STRC: variants seen among roughly 807,000 people sequenced by gnomAD.
STRC encodes the protein stereocilin.
STRC carries 43 observed loss-of-function variants against 103.5 expected under a neutral mutation model. The ratio of observed to expected loss-of-function variants is 0.42; its 90% CI spans 0.33 to 0.54. STRC has a LOEUF of 0.54. Among genes scored for constraint, STRC ranks in the 20% least tolerant of loss-of-function variants. The pLI, the probability that STRC is intolerant of heterozygous loss-of-function variation, is 0.14. For synonymous variants in STRC, 186 were observed against 442.3 expected (o/e 0.42, Z 7.27); for missense variants, 499 against 1,088.5 (o/e 0.46, Z 7.62).
intron 26 of STRC, 38 bp downstream of exon 26, chr15:43,600,496 C>T: frequency 1.9e-6 from 3 of 1,609,806 alleles, no homozygotes; most frequent in Non-Finnish European, 2.5e-6. Context: ...GGTATAGAAA[C>T]CAAACCAACT....
At chr15:43,600,707 A>G (rs745860856) in intron 25 of STRC, 25 bp from the exon 26 acceptor site, 8 of 1,612,922 alleles carry the variant, frequency 5.0e-6, no homozygotes, top group Non-Finnish European at 6.8e-6. Context: ...GAAGGAAGGA[A>G]GAAGAATTCG....
rs955920743 is a variant in STRC at position 43,601,825 on chromosome 15, A to G, written c.4546-274T>C. ...CATCAGACACAGAGACGCTTATTAA[A>G]ACAGATGCCTAGGGCCCAGCACAGT... On this transcript the variant is annotated intron_variant, in intron 23 of 28. Coordinates refer to ENST00000450892, the MANE Select transcript of STRC (RefSeq NM_153700.2). The G allele has an allele frequency of 2.3e-4, 103 of 452,786 alleles. 1 individual carries two copies. The highest frequency in any genetic ancestry group is 1.3e-3 in the Middle Eastern group (2 of 1,564). The allele number at this position is 452,786 out of a possible 1,614,324, so 28.0% of individuals were successfully genotyped here.
Position 43,601,503 on chromosome 15 carries a change from C to T in STRC, c.4594G>A (p.Gly1532Ser), listed in dbSNP as rs746546719. The T allele has an allele frequency of 6.2e-7, 1 of 1,613,810 alleles. No homozygotes were observed. Among genetic ancestry groups the T allele is most frequent in the South Asian group, 1.1e-5 (1 of 91,068 alleles). ...TCTCCTAGACCTATTAAGAGCCTAC[C>T]AAGCTGCAGGATCTGCTCAGGACGA... ...GFRPEQILQL[G>S]RLLIGLGDRE... is the part of the protein sequence containing the mutation. Residue 1532 changes from glycine (G) to serine (S), a missense_variant, in exon 24 of 29, where the codon GGT (glycine) becomes AGT (serine). Coordinates refer to ENST00000450892, the MANE Select transcript of STRC (RefSeq NM_153700.2).
Position 43,617,687 on chromosome 15 carries a change from GC to G in STRC, c.733del (p.Ala245ProfsTer78), listed in dbSNP as rs1329435668. Reference protein sequence around the residue: ...LWGGLLRTVGAPLYAAFQEGL... With the variant: ...LWGGLLRTVGXPLYAAFQEGL... ...CTCCTGAAAGGCAGCATAGAGGGGG[GC>G]CCCCACTGTGCGTAGCAGACCGCCC... On this transcript the variant is annotated frameshift_variant, in exon 2 of 29. Coordinates refer to ENST00000450892, the MANE Select transcript of STRC (RefSeq NM_153700.2). LOFTEE classifies it high-confidence loss of function. 12 of 876,672 alleles carry G rather than the reference GC, an allele frequency of 1.4e-5. No individual in the cohort carries two copies. Among genetic ancestry groups the G allele is most frequent in the Non-Finnish European group, 2.1e-5 (12 of 580,088 alleles). 54.3% of individuals were successfully genotyped at this position (876,672 alleles called of 1,614,324 possible).
rs1374510416 is a variant in STRC, at chr15:43,605,478, C to T, written c.3795-79G>A. On this transcript the variant is annotated intron_variant, in intron 18 of 28. Coordinates refer to ENST00000450892, the MANE Select transcript of STRC (RefSeq NM_153700.2). ...GAAGGGACCACAAAACCCCACAGTC[C>T]GCAGCTAAGATGTGACCCCAGACCA... The T allele has an allele frequency of 7.7e-6, 12 of 1,550,422 alleles. 1 individual carries two copies. The highest frequency in any genetic ancestry group is 3.6e-5 in the South Asian group (3 of 83,784).
chr15:43,603,666 A>C, intron 22 of STRC: 1 of 631,852 alleles, frequency 1.6e-6, no homozygotes, highest in South Asian at 1.9e-5. Context: ...CTGAATTTGA[A>C]CCCAGTTCTC....
Position 43,603,942 on chromosome 15 carries a change from G to A in STRC, c.4375+54C>T, listed in dbSNP as rs912061190. Reference sequence around the variant, plus strand: ...GAAGAGCACATGTAGAACCCAGACCGTTTGATACTCCCTGTACATCCTGCT... The same window carrying A: ...GAAGAGCACATGTAGAACCCAGACCATTTGATACTCCCTGTACATCCTGCT... On this transcript the variant is annotated intron_variant, in intron 22 of 28. Coordinates refer to ENST00000450892, the MANE Select transcript of STRC (RefSeq NM_153700.2). 53 of 1,610,528 alleles carry A rather than the reference G, an allele frequency of 3.3e-5. 1 individual carries two copies. Among genetic ancestry groups the A allele is most frequent in the Middle Eastern group, 3.9e-4 (2 of 5,134 alleles).
In STRC at chr15:43,604,537, G is replaced by C. The variant is rs150396823; in HGVS notation, c.4128-86C>G. 3.2e-5 allele frequency: 51 copies of C among 1,608,610 alleles called. No individual in the cohort carries two copies. In the Admixed American group the frequency reaches 8.3e-4, roughly 26 times the overall value. ...GGAAAAGAGGACATGCTAGGATTTCGGACACAGGGCTCCAGGGGACCTTAA... is the reference window on the plus strand; with the variant it reads ...GGAAAAGAGGACATGCTAGGATTTCCGACACAGGGCTCCAGGGGACCTTAA... On this transcript the variant is annotated intron_variant, in intron 20 of 28. Coordinates refer to ENST00000450892, the MANE Select transcript of STRC (RefSeq NM_153700.2).
rs1346499882 is a variant in STRC at position 43,608,154 on chromosome 15, TC to T, written c.3606del (p.Ile1203SerfsTer5). 17 of 1,604,832 alleles carry T rather than the reference TC, an allele frequency of 1.1e-5. No individual in the cohort carries two copies. The highest frequency in any genetic ancestry group is 1.4e-5 in the Non-Finnish European group (17 of 1,177,880). ...AGGMSCEFLQ[Q>X]INSMVDFLEV... Reference sequence around the variant, plus strand: ...TCAAGGAAGTCTACCATGGAGTTGATCTGCTGCAGAAACTCACAGGACATGC... The same window carrying T: ...TCAAGGAAGTCTACCATGGAGTTGATTGCTGCAGAAACTCACAGGACATGC... On this transcript the variant is annotated frameshift_variant, in exon 17 of 29. Coordinates refer to ENST00000450892, the MANE Select transcript of STRC (RefSeq NM_153700.2). LOFTEE classifies it high-confidence loss of function.
intron 22 of STRC, chr15:43,603,719 A>G: frequency 1.5e-6 from 1 of 679,476 alleles, no homozygotes; most frequent in South Asian, 1.9e-5. Context: ...GGATCTCCCC[A>G]GCAGAGAGCT....
At chr15:43,610,228 GC>G (rs1406716308) in intron 15 of STRC, 83 bp downstream of exon 15, 1 of 408,772 alleles carries the variant, frequency 2.4e-6, no homozygotes, top group African/African-American at 2.2e-5. Context: ...GTAGGGATAA[GC>G]TGGCCAAATA....
In STRC at chr15:43,603,265, C is replaced by T. The variant is rs201520285; in HGVS notation, c.4522G>A (p.Ala1508Thr). Reference sequence around the variant, plus strand: ...ACCTGTTTTGCTTTGCCCATGGCTGCCCGCAGTTCCTCAGGCCCAAGTCCT... The same window carrying T: ...ACCTGTTTTGCTTTGCCCATGGCTGTCCGCAGTTCCTCAGGCCCAAGTCCT... ...DPGLGPEELR[A>T]AMGKAKQLWG... The change falls in exon 23 of 29, where the codon GCA becomes ACA. Residue 1508 changes from alanine (A) to threonine (T), a missense_variant. By Grantham distance (58) the Ala-to-Thr change is moderately conservative. Transcript: ENST00000450892. 5.6e-5 allele frequency: 91 copies of T among 1,613,570 alleles called. 1 individual carries two copies. In the Admixed American group the frequency reaches 7.2e-4, roughly 13 times the overall value.
In STRC at chr15:43,604,675, G is replaced by A. The variant is rs765028670; in HGVS notation, c.4102C>T (p.Leu1368=). 6.2e-7 allele frequency: 1 copy of A among 1,613,628 alleles called. No individual in the cohort carries two copies. The change falls in exon 20 of 29, where the codon CTG becomes TTG. Residue 1368 remains leucine (L), a synonymous_variant. Coordinates refer to ENST00000450892, the MANE Select transcript of STRC (RefSeq NM_153700.2). ...CCAAGAACAGACTCCTGCAATAGCA[G>A]CCATCCCAGCTCTGTGGCAAATGTC... ...GETFATELGW[L]LLQESVLGKP... is the part of the protein sequence containing the mutation.
chr15:43,606,702 C>A (rs1163839391), intron 18 of STRC, among the ~76,000 whole-genome samples: 1 of 122,556 alleles, frequency 8.2e-6, no homozygotes, highest in Non-Finnish European at 1.7e-5. Context: ...TGGAACTGGG[C>A]TAAGTCATAC....
intron 22 of STRC, 79 bp downstream of exon 22, chr15:43,603,917 G>A (rs2085692489): frequency 1.2e-6 from 2 of 1,607,556 alleles, no homozygotes; most frequent in Admixed American, 1.7e-5. Flanking sequence ...CAGTCCCAGG[G>A]AAGAGCACAT....
intron 25 of STRC, 48 bp from the exon 26 acceptor site, chr15:43,600,730 G>A: frequency 6.2e-7 from 1 of 1,612,822 alleles, no homozygotes; most frequent in Non-Finnish European, 8.5e-7. Flanking sequence ...TTCAGTGAAA[G>A]GGGCTGTGGT....
intron 21 of STRC, 88 bp from the exon 22 acceptor site, chr15:43,604,240 T>G: frequency 6.3e-7 from 1 of 1,598,168 alleles, no homozygotes; most frequent in South Asian, 1.1e-5. Context: ...CTGTCTCTGT[T>G]TTGCAGTCTC....
chr15:43,605,517 T>C, intron 18 of STRC, 118 bp from the exon 19 acceptor site: 1 of 1,526,584 alleles, frequency 6.6e-7, no homozygotes. Context: ...TTAGTGAAGC[T>C]GGACAGGAAC....
Position 43,601,431 on chromosome 15 carries a change from T to C in STRC, c.4666A>G (p.Thr1556Ala), listed in dbSNP as rs766507200. Residue 1556 changes from threonine to alanine, a missense_variant, in exon 24 of 29, where the codon ACC becomes GCC. Physicochemically the swap from Thr to Ala is moderately conservative, Grantham distance 58. Coordinates refer to ENST00000450892, the MANE Select transcript of STRC (RefSeq NM_153700.2). ...LILVDWGVLS[T>A]LGQIDGWSTT... Reference sequence around the variant, plus strand: ...CTCCAGCCATCTATCTGCCCCAGGGTGCTCAGCACTCCCCAGTCCACTAGG... The same window carrying C: ...CTCCAGCCATCTATCTGCCCCAGGGCGCTCAGCACTCCCCAGTCCACTAGG... 9.3e-6 allele frequency: 15 copies of C among 1,613,550 alleles called. No individual in the cohort carries two copies. The highest frequency in any genetic ancestry group is 1.2e-5 in the Non-Finnish European group (14 of 1,179,842).
Sources: allele counts gnomAD v4.1 joint callset (sites outside exome capture counted in the v4.1 genomes callset), GRCh38; gene constraint gnomAD v4.1.1; transcripts MANE v1.5; gene names NCBI Gene and HGNC (gene_info 2026-07-23, HGNC 2026-07-21).